The following DYNC2H1 variants were observed in gnomAD, a reference collection of about 807,000 sequenced individuals.
DYNC2H1 encodes dynein cytoplasmic 2 heavy chain 1.
A neutral mutation model predicts 570.0 loss-of-function variants in DYNC2H1; 410 were observed. That is an observed-to-expected ratio of 0.72 (90% CI 0.66 to 0.78). The LOEUF (loss-of-function observed/expected upper bound fraction) is 0.78, where lower values mean the gene tolerates loss of function less well. Among genes scored for constraint, DYNC2H1 ranks in the 30% least tolerant of loss-of-function variants. DYNC2H1 has a pLI of 0.00. For missense variants in DYNC2H1, 4,865 were observed against 5,046.4 expected (o/e 0.96, Z 1.09); for synonymous variants, 1,688 against 1,677.6 (o/e 1.01, Z -0.15).
rs1466421535 is a variant in DYNC2H1 at position 103,277,578 on chromosome 11, T to C, written c.10696-2770T>C. On this transcript the variant is annotated intron_variant, in intron 70 of 88. Transcript: ENST00000375735. This position sits in a 1 kb window ranked among gnomAD's most constrained non-coding sequence, Gnocchi z 4.3. ...CTTTTCTGATGTGTCTAATGACCCT[T>C]GCTTATAGTGGATTGTTTTCTCCTG... Among the ~76,000 whole-genome samples, 2 of 152,160 alleles carry C rather than the reference T, an allele frequency of 1.3e-5. No individual in the cohort carries two copies. Among genetic ancestry groups the C allele is most frequent in the African/African-American group, 4.8e-5 (2 of 41,450 alleles).
rs1945664492 is a variant in DYNC2H1, at chr11:103,479,164, C to T, written c.12835C>T (p.Arg4279Cys). The change falls in exon 89 of 89, where the codon CGT (arginine) becomes TGT (cysteine). Residue 4279 changes from arginine to cysteine, a missense_variant. Coordinates refer to ENST00000375735, the MANE Select transcript of DYNC2H1 (RefSeq NM_001377.3). ...LPVYTSAERDRVVTNIDVPCG... is the reference protein window; with the variant it reads ...LPVYTSAERDCVVTNIDVPCG... Reference sequence around the variant, plus strand: ...TGTTTACACAAGTGCTGAAAGGGATCGTGTGGTTACCAATATTGATGTTCC... The same window carrying T: ...TGTTTACACAAGTGCTGAAAGGGATTGTGTGGTTACCAATATTGATGTTCC... 9.9e-6 allele frequency: 16 copies of T among 1,613,768 alleles called. No homozygotes were observed. Among genetic ancestry groups the T allele is most frequent in the Non-Finnish European group, 1.3e-5 (15 of 1,179,774 alleles).
rs141705260 is a variant in DYNC2H1, at chr11:103,261,730, C to T, written c.10695+1753C>T. ...CAAAGACCAAAGGTAGATAAATCCA[C>T]GAAGATGAGGAAAAACCAGCGCAAA... On this transcript the variant is annotated intron_variant, in intron 70 of 88. Coordinates refer to ENST00000375735, the MANE Select transcript of DYNC2H1 (RefSeq NM_001377.3). The surrounding 1 kb of genome is among the most constrained non-coding windows in gnomAD (Gnocchi z 4.8). Among the ~76,000 whole-genome samples the T allele has an allele frequency of 4.1e-3, 620 of 152,088 alleles. 5 individuals carry two copies. Among genetic ancestry groups the T allele is most frequent in the Non-Finnish European group, 5.3e-3 (362 of 67,960 alleles).
At chr11:103,412,948 G>A (rs997288360) in intron 84 of DYNC2H1, among the ~76,000 whole-genome samples, 2 of 152,060 alleles carry the variant, frequency 1.3e-5, no homozygotes, top group South Asian at 4.1e-4. Flanking sequence ...GTGGTCTCCA[G>A]ACCAATATCA....
Position 103,122,903 on chromosome 11 carries a change from G to T in DYNC2H1, c.1564G>T (p.Asp522Tyr). The change falls in exon 11 of 89, where the codon GAT becomes TAT. Residue 522 changes from aspartate (D) to tyrosine (Y), a missense_variant. Asp to Tyr is a radical substitution (Grantham distance 160). Around this residue, in one of 5 missense-constraint regions of DYNC2H1, gnomAD observed 1,936 missense variants for 1,962.1 expected, o/e 0.99. Transcript: ENST00000375735. ...TCGATGTTTCCATCAAAGTGCCAAA[G>T]ATCTCTTAGACCAGCTTAAACTATA... ...GFRCFHQSAK[D>Y]LLDQLKLYEQ... The T allele has an allele frequency of 6.2e-7, 1 of 1,613,034 alleles. No individual in the cohort carries two copies.
intron 83 of DYNC2H1, among the ~76,000 whole-genome samples, chr11:103,362,366 T>C (rs1203063598): frequency 1.5e-5 from 2 of 133,856 alleles, no homozygotes; most frequent in South Asian, 2.4e-4. Context: ...AGGATCTTGA[T>C]GTAACCACTT....
chr11:103,366,864 C>T (rs1348194984), intron 83 of DYNC2H1, among the ~76,000 whole-genome samples: 1 of 152,038 alleles, frequency 6.6e-6, no homozygotes, highest in African/African-American at 2.4e-5. Flanking sequence ...CTCTCTGTAT[C>T]CTTGAAATTT....
intron 88 of DYNC2H1, among the ~76,000 whole-genome samples, chr11:103,470,087 A>C (rs1366659198): frequency 1.3e-5 from 2 of 152,204 alleles, no homozygotes; most frequent in Non-Finnish European, 2.9e-5. Context: ...GAGCTTGAAG[A>C]GCAACTAAGA....
At position 103,236,504 on chromosome 11, in the gene DYNC2H1, G is replaced by A; in HGVS notation, c.9784G>A (p.Asp3262Asn). Reference sequence around the variant, plus strand: ...GAAAAGTGAAGGCCTACCATCAGATGACCTTTCCATAGAAAATGCTCTTGT... The same window carrying A: ...GAAAAGTGAAGGCCTACCATCAGATAACCTTTCCATAGAAAATGCTCTTGT... ...IWKSEGLPSD[D>N]LSIENALVIL... The change falls in exon 63 of 89, where the codon GAC becomes AAC. Residue 3262 changes from aspartate (D) to asparagine (N), a missense_variant. Transcript: ENST00000375735. The A allele has an allele frequency of 6.2e-7, 1 of 1,605,708 alleles. No individual in the cohort carries two copies. The highest frequency in any genetic ancestry group is 8.5e-7 in the Non-Finnish European group (1 of 1,174,004).
At position 103,173,318 on chromosome 11, in the gene DYNC2H1, G is replaced by C; in HGVS notation, c.5558+13G>C. 6.7e-7 allele frequency: 1 copy of C among 1,489,724 alleles called. No homozygotes were observed. Among genetic ancestry groups the C allele is most frequent in the Non-Finnish European group, 8.9e-7 (1 of 1,118,598 alleles). The allele number at this position is 1,489,724 out of a possible 1,614,324, so 92.3% of individuals were successfully genotyped here. A position where few individuals can be genotyped will look rare whatever the true frequency, so the allele number is the denominator to read the frequency against. On this transcript the variant is annotated intron_variant, in intron 35 of 88. Coordinates refer to ENST00000375735, the MANE Select transcript of DYNC2H1 (RefSeq NM_001377.3). ...TCAATCTATCTAGGTGAGTTTTCTT[G>C]TTCTAAATATTTTTATATTTTACAT...
At chr11:103,384,786 G>T (rs1424947279) in intron 83 of DYNC2H1, among the ~76,000 whole-genome samples, 1 of 151,990 alleles carries the variant, frequency 6.6e-6, no homozygotes, top group East Asian at 1.9e-4. Context: ...ATTTGGATTT[G>T]CCCCATGTTT....
intron 75 of DYNC2H1, among the ~76,000 whole-genome samples, chr11:103,297,583 T>C (rs1866887254): frequency 6.6e-6 from 1 of 152,128 alleles, no homozygotes; most frequent in Non-Finnish European, 1.5e-5. Flanking sequence ...TATAGGCAAT[T>C]GTAACACAGT....
chr11:103,221,148 G>C (rs1032988790), intron 57 of DYNC2H1, among the ~76,000 whole-genome samples: 3 of 151,980 alleles, frequency 2.0e-5, no homozygotes, highest in Non-Finnish European at 2.9e-5. Context: ...GTACTACCGA[G>C]AGAGGGAAAA....
At chr11:103,271,131 A>G (rs1045008665) in intron 70 of DYNC2H1, among the ~76,000 whole-genome samples, 4 of 152,190 alleles carry the variant, frequency 2.6e-5, no homozygotes, top group East Asian at 1.9e-4. Context: ...TTAGTGTGCA[A>G]ATAATTTAAT....
chr11:103,392,573 C>T (rs754869742), intron 83 of DYNC2H1, among the ~76,000 whole-genome samples: 29 of 152,202 alleles, frequency 1.9e-4, no homozygotes, highest in African/African-American at 3.1e-4. Context: ...TCTTCTGCGT[C>T]GCTCACGCTG....
chr11:103,174,229 G>T, intron 36 of DYNC2H1, 59 bp downstream of exon 36: 2 of 1,387,896 alleles, frequency 1.4e-6, no homozygotes, highest in South Asian at 1.3e-5. Context: ...CGTTAATTTA[G>T]AATAGTTTGA....
intron 4 of DYNC2H1, among the ~76,000 whole-genome samples, chr11:103,116,199 ATAT>A (rs1858384908): frequency 2.6e-5 from 4 of 152,202 alleles, no homozygotes; most frequent in Admixed American, 6.5e-5. Flanking sequence ...CTTAAACATA[ATAT>A]TATGAATTAA....
rs1396195977 is a variant in DYNC2H1 at position 103,205,555 on chromosome 11, A to G, written c.8454+591A>G. On this transcript the variant is annotated intron_variant, in intron 52 of 88. Coordinates refer to ENST00000375735, the MANE Select transcript of DYNC2H1 (RefSeq NM_001377.3). The surrounding 1 kb of genome is among the most constrained non-coding windows in gnomAD (Gnocchi z 4.5). ...AAAAGACATGGTTTACAGATGAGGT[A>G]ATATTTTAGTTACTGAAAGATATTT... Among the ~76,000 whole-genome samples the G allele has an allele frequency of 2.6e-5, 4 of 152,176 alleles. No individual in the cohort carries two copies. Among genetic ancestry groups the G allele is most frequent in the Non-Finnish European group, 5.9e-5 (4 of 68,022 alleles).
intron 74 of DYNC2H1, 78 bp downstream of exon 74, chr11:103,286,464 T>C: frequency 4.6e-6 from 7 of 1,532,832 alleles, no homozygotes; most frequent in Non-Finnish European, 5.3e-6. Context: ...AAAGGAAAGC[T>C]TTGCTTTTAG....
chr11:103,321,073 A>G lies in DYNC2H1; in HGVS notation c.11770A>G (p.Asn3924Asp). The change falls in exon 81 of 89, where the codon AAT becomes GAT. Residue 3924 changes from asparagine to aspartate, a missense_variant. Around this residue, in one of 5 missense-constraint regions of DYNC2H1, gnomAD observed 2,401 missense variants for 2,454.6 expected, o/e 0.98. Transcript: ENST00000375735. ...GGAATTTGTACATGGTTTACTTGAA[A>G]ATGCTATTTATGGAGGACGTATAGA... ...QWEFVHGLLE[N>D]AIYGGRIDNY... The G allele has an allele frequency of 6.2e-7, 1 of 1,612,680 alleles. No individual in the cohort carries two copies. The highest frequency in any genetic ancestry group is 1.7e-5 in the Admixed American group (1 of 59,886).
Sources: gnomAD v4.1 joint callset for allele counts (sites outside exome capture counted in the v4.1 genomes callset) on GRCh38, gnomAD v4.1.1 for gene constraint, gnomAD v4.1.1 regional missense constraint, Gnocchi (gnomAD v3.1) non-coding constraint, MANE v1.5 for transcripts, NCBI Gene and HGNC (gene_info 2026-07-23, HGNC 2026-07-21) for gene names.